OR5AR1: variants seen among roughly 807,000 people sequenced by gnomAD.
OR5AR1 encodes olfactory receptor family 5 subfamily AR member 1.
OR5AR1 carries 19 observed loss-of-function variants against 12.3 expected under a neutral mutation model. The ratio of observed to expected loss-of-function variants is 1.55; its 90% CI spans 1.08 to 2.27. The LOEUF (loss-of-function observed/expected upper bound fraction) is 2.27, where lower values mean the gene tolerates loss of function less well. OR5AR1 is among the 30% of genes most tolerant of loss of function. OR5AR1 has a pLI of 0.00. For missense variants in OR5AR1, 432 were observed against 378.4 expected, an observed-to-expected ratio of 1.14 and a Z score of -1.18; for synonymous variants, 156 against 138.8, an observed-to-expected ratio of 1.12 and a Z score of -0.87.
At position 56,664,285 on chromosome 11, in the gene OR5AR1, C is replaced by T. The variant is rs1331030089; in HGVS notation, c.600C>T (p.Phe200=). The T allele has an allele frequency of 6.2e-7, 1 of 1,614,154 alleles. No individual in the cohort carries two copies. The change falls in exon 1 of 1, where the codon TTC becomes TTT. Residue 200 remains phenylalanine (F), a synonymous_variant. Transcript: ENST00000624596. Reference sequence around the variant, plus strand: ...CCTACATCAGTGAGATCTTGCTCTTCAGTCTGTGTGGCTTCATTGAATTCA... The same window carrying T: ...CCTACATCAGTGAGATCTTGCTCTTTAGTCTGTGTGGCTTCATTGAATTCA... ...SDTYISEILL[F]SLCGFIEFST...
chr11:56,664,567 C>T lies in OR5AR1; in HGVS notation c.882C>T (p.Asn294=), dbSNP rs1317669641. Residue 294 remains asparagine, a synonymous_variant, in exon 1 of 1, where the codon AAC becomes AAT. Coordinates refer to ENST00000624596, the MANE Select transcript of OR5AR1 (RefSeq NM_001004730.1). Reference sequence around the variant, plus strand: ...ATCCCTTGATCTACAGTTTGCGGAACAAGGATGTGAAAGCTGCTTTCAAAA... The same window carrying T: ...ATCCCTTGATCTACAGTTTGCGGAATAAGGATGTGAAAGCTGCTTTCAAAA... ...MLNPLIYSLR[N]KDVKAAFKKL... 4 of 1,608,744 alleles carry T rather than the reference C, an allele frequency of 2.5e-6. No homozygotes were observed. Among genetic ancestry groups the T allele is most frequent in the Non-Finnish European group, 3.4e-6 (4 of 1,177,430 alleles).
rs1183210796 is a variant in OR5AR1 at position 56,663,774 on chromosome 11, T to C, written c.89T>C (p.Val30Ala). ...DPQMEIIFFV[V>A]FLIVYLVNVV... ...CAGATGGAGATCATCTTCTTCGTGGTCTTCCTCATAGTTTACCTGGTTAAT... is the reference window on the plus strand; with the variant it reads ...CAGATGGAGATCATCTTCTTCGTGGCCTTCCTCATAGTTTACCTGGTTAAT... The change falls in exon 1 of 1, where the codon GTC (valine) becomes GCC (alanine). Residue 30 changes from valine (V) to alanine (A), a missense_variant. Coordinates refer to ENST00000624596, the MANE Select transcript of OR5AR1 (RefSeq NM_001004730.1). 1 of 1,613,592 alleles carries C rather than the reference T, an allele frequency of 6.2e-7. No individual in the cohort carries two copies.
Position 56,664,554 on chromosome 11 carries a change from A to T in OR5AR1, c.869A>T (p.Tyr290Phe). The part of the protein sequence containing the change: ...VIIPMLNPLI[Y>F]SLRNKDVKAA... ...ATCCCCATGTTAAATCCCTTGATCTACAGTTTGCGGAACAAGGATGTGAAA... is the reference window on the plus strand; with the variant it reads ...ATCCCCATGTTAAATCCCTTGATCTTCAGTTTGCGGAACAAGGATGTGAAA... Residue 290 changes from tyrosine to phenylalanine, a missense_variant, in exon 1 of 1, where the codon TAC becomes TTC. Physicochemically the swap from Tyr to Phe is conservative, Grantham distance 22. Transcript: ENST00000624596. 3 of 1,613,582 alleles carry T rather than the reference A, an allele frequency of 1.9e-6. No homozygotes were observed. The highest frequency in any genetic ancestry group is 2.5e-6 in the Non-Finnish European group (3 of 1,179,708).
rs373527208 is a variant in OR5AR1, at chr11:56,664,072, C to T, written c.387C>T (p.Pro129=). 106 of 1,613,846 alleles carry T rather than the reference C, an allele frequency of 6.6e-5. No individual in the cohort carries two copies. The highest frequency in any genetic ancestry group is 8.2e-5 in the Non-Finnish European group (97 of 1,180,012). Residue 129 remains proline (P), a synonymous_variant, in exon 1 of 1, where the codon CCC becomes CCT. Coordinates refer to ENST00000624596, the MANE Select transcript of OR5AR1 (RefSeq NM_001004730.1). ...GTCGTTTTGTGGCCATTTGTCGACC[C>T]CTCCACTATAGCACCTTCATGTCCA... The part of the protein sequence containing the change: ...AYGRFVAICR[P]LHYSTFMSKQ...
Position 56,664,113 on chromosome 11 carries a change from C to T in OR5AR1, c.428C>T (p.Ala143Val). ...STFMSKQVCL[A>V]LMLGSYLAGL... ...TTCATGTCCAAGCAGGTCTGCTTGG[C>T]TCTCATGCTGGGCTCTTACCTGGCT... The change falls in exon 1 of 1, where the codon GCT becomes GTT. Residue 143 changes from alanine (A) to valine (V), a missense_variant. Ala to Val is a moderately conservative substitution (Grantham distance 64). Coordinates refer to ENST00000624596, the MANE Select transcript of OR5AR1 (RefSeq NM_001004730.1). The T allele has an allele frequency of 1.2e-6, 2 of 1,613,962 alleles. No homozygotes were observed. Among genetic ancestry groups the T allele is most frequent in the Non-Finnish European group, 1.7e-6 (2 of 1,179,932 alleles).
At position 56,664,387 on chromosome 11, in the gene OR5AR1, C is replaced by T; in HGVS notation, c.702C>T (p.Arg234=). The stretch of plus-strand genomic sequence containing the variant: ...TCAGAATGCGTTCAGCTGAAGGCCG[C>T]CTTAAGGCTTTCTCCACCTGCGGGT... ...AIIRMRSAEG[R]LKAFSTCGSH... The change falls in exon 1 of 1, where the codon CGC becomes CGT. Residue 234 remains arginine, a synonymous_variant. Transcript: ENST00000624596. 2 of 1,614,040 alleles carry T rather than the reference C, an allele frequency of 1.2e-6. 1 individual carries two copies. Among genetic ancestry groups the T allele is most frequent in the Non-Finnish European group, 1.7e-6 (2 of 1,179,988 alleles).
At position 56,664,336 on chromosome 11, in the gene OR5AR1, C is replaced by T; in HGVS notation, c.651C>T (p.Ser217=). The T allele has an allele frequency of 6.2e-7, 1 of 1,614,126 alleles. No homozygotes were observed. Residue 217 remains serine (S), a synonymous_variant, in exon 1 of 1, where the codon TCC becomes TCT. Coordinates refer to ENST00000624596, the MANE Select transcript of OR5AR1 (RefSeq NM_001004730.1). ...GCACCATCCTCATCATCTTCATCTC[C>T]TATACCTTTATCCTTGTTGCAATCA... is the stretch of plus-strand genomic sequence containing the variant. ...EFSTILIIFI[S]YTFILVAIIR...
rs779696662 is a variant in OR5AR1 at position 56,663,870 on chromosome 11, T to C, written c.185T>C (p.Phe62Ser). Reference sequence around the variant, plus strand: ...CAGCTTCACACACCCATGTATTTTTTCCTCTGCAACCTCTCCTTTGTTGAC... The same window carrying C: ...CAGCTTCACACACCCATGTATTTTTCCCTCTGCAACCTCTCCTTTGTTGAC... Reference protein sequence around the residue: ...DTQLHTPMYFFLCNLSFVDLG... With the variant: ...DTQLHTPMYFSLCNLSFVDLG... The change falls in exon 1 of 1, where the codon TTC becomes TCC. Residue 62 changes from phenylalanine to serine, a missense_variant. Physicochemically the swap from Phe to Ser is radical, Grantham distance 155. Coordinates refer to ENST00000624596, the MANE Select transcript of OR5AR1 (RefSeq NM_001004730.1). The C allele has an allele frequency of 2.5e-6, 4 of 1,614,120 alleles. No homozygotes were observed. In the East Asian group the frequency reaches 8.9e-5, roughly 36 times the overall value.
rs1857217360 is a variant in OR5AR1 at position 56,664,243 on chromosome 11, C to A, written c.558C>A (p.Ala186=). ...TCTGCGAAATCCCACCACTCTTGGC[C>A]CTCTCTTGCTCAGACACCTACATCA... ...HFFCEIPPLL[A]LSCSDTYISE... is the part of the protein sequence containing the mutation. The change falls in exon 1 of 1, where the codon GCC becomes GCA. Residue 186 remains alanine, a synonymous_variant. Coordinates refer to ENST00000624596, the MANE Select transcript of OR5AR1 (RefSeq NM_001004730.1). The A allele has an allele frequency of 6.2e-7, 1 of 1,613,950 alleles. No homozygotes were observed. Among genetic ancestry groups the A allele is most frequent in the African/African-American group, 1.3e-5 (1 of 74,900 alleles).
At position 56,664,563 on chromosome 11, in the gene OR5AR1, G is replaced by A. The variant is rs374914918; in HGVS notation, c.878G>A (p.Arg293Gln). Residue 293 changes from arginine to glutamine, a missense_variant, in exon 1 of 1, where the codon CGG (arginine) becomes CAG (glutamine). Coordinates refer to ENST00000624596, the MANE Select transcript of OR5AR1 (RefSeq NM_001004730.1). ...TTAAATCCCTTGATCTACAGTTTGC[G>A]GAACAAGGATGTGAAAGCTGCTTTC... ...PMLNPLIYSLRNKDVKAAFKK... is the reference protein window; with the variant it reads ...PMLNPLIYSLQNKDVKAAFKK... 5.6e-5 allele frequency: 90 copies of A among 1,608,668 alleles called. No homozygotes were observed. The African/African-American group carries it at 9.2e-4, about 16-fold the overall frequency.
Position 56,664,589 on chromosome 11 carries a change from A to C in OR5AR1, c.904A>C (p.Lys302Gln). The C allele has an allele frequency of 2.5e-6, 4 of 1,598,836 alleles. No individual in the cohort carries two copies. The highest frequency in any genetic ancestry group is 2.6e-6 in the Non-Finnish European group (3 of 1,171,024). Residue 302 changes from lysine to glutamine, a missense_variant, in exon 1 of 1, where the codon AAA (lysine) becomes CAA (glutamine). Physicochemically the swap from Lys to Gln is moderately conservative, Grantham distance 53. Transcript: ENST00000624596. ...LRNKDVKAAFKKLIGKKSQ is the reference protein window; with the variant it reads ...LRNKDVKAAFQKLIGKKSQ ...GAACAAGGATGTGAAAGCTGCTTTC[A>C]AAAAGCTAATTGGAAAAAAATCTCA...
chr11:56,663,982 C>A lies in OR5AR1; in HGVS notation c.297C>A (p.Thr99=), dbSNP rs1160901849. The A allele has an allele frequency of 1.9e-6, 3 of 1,613,938 alleles. No individual in the cohort carries two copies. In the African/African-American group the frequency reaches 4.0e-5, roughly 22 times the overall value. ...TTATCTCCTTCTCCAGCTGTGCCAC[C>A]CAGTTTGCTTTTTTTGTAGGTTTTG... ...HKVISFSSCA[T]QFAFFVGFVD... is the part of the protein sequence containing the mutation. Residue 99 remains threonine, a synonymous_variant, in exon 1 of 1, where the codon ACC becomes ACA. Transcript: ENST00000624596.
In OR5AR1 at chr11:56,663,881, C is replaced by T. The variant is rs1857210748; in HGVS notation, c.196C>T (p.Leu66Phe). 4 of 1,614,040 alleles carry T rather than the reference C, an allele frequency of 2.5e-6. No individual in the cohort carries two copies. Among genetic ancestry groups the T allele is most frequent in the Non-Finnish European group, 3.4e-6 (4 of 1,179,962 alleles). The change falls in exon 1 of 1, where the codon CTC (leucine) becomes TTC (phenylalanine). Residue 66 changes from leucine (L) to phenylalanine (F), a missense_variant. Leu to Phe is a conservative substitution (Grantham distance 22). Transcript: ENST00000624596. The stretch of plus-strand genomic sequence containing the variant: ...ACCCATGTATTTTTTCCTCTGCAAC[C>T]TCTCCTTTGTTGACCTGGGCTACTC... Reference protein sequence around the residue: ...HTPMYFFLCNLSFVDLGYSSA... With the variant: ...HTPMYFFLCNFSFVDLGYSSA...
chr11:56,663,871 C>G lies in OR5AR1; in HGVS notation c.186C>G (p.Phe62Leu). The change falls in exon 1 of 1, where the codon TTC (phenylalanine) becomes TTG (leucine). Residue 62 changes from phenylalanine to leucine, a missense_variant. By Grantham distance (22) the Phe-to-Leu change is conservative (BLOSUM62 0). Transcript: ENST00000624596. ...AGCTTCACACACCCATGTATTTTTTCCTCTGCAACCTCTCCTTTGTTGACC... is the reference window on the plus strand; with the variant it reads ...AGCTTCACACACCCATGTATTTTTTGCTCTGCAACCTCTCCTTTGTTGACC... ...DTQLHTPMYF[F>L]LCNLSFVDLG... 1 of 1,613,958 alleles carries G rather than the reference C, an allele frequency of 6.2e-7. No homozygotes were observed. The highest frequency in any genetic ancestry group is 8.5e-7 in the Non-Finnish European group (1 of 1,179,982).
Position 56,664,594 on chromosome 11 carries a change from G to C in OR5AR1, c.909G>C (p.Lys303Asn). The C allele has an allele frequency of 6.3e-7, 1 of 1,594,592 alleles. No homozygotes were observed. ...AGGATGTGAAAGCTGCTTTCAAAAA[G>C]CTAATTGGAAAAAAATCTCAATAAT... ...RNKDVKAAFK[K>N]LIGKKSQ The change falls in exon 1 of 1, where the codon AAG becomes AAC. Residue 303 changes from lysine to asparagine, a missense_variant. Coordinates refer to ENST00000624596, the MANE Select transcript of OR5AR1 (RefSeq NM_001004730.1).
chr11:56,663,855 C>A lies in OR5AR1; in HGVS notation c.170C>A (p.Thr57Lys). Residue 57 changes from threonine to lysine, a missense_variant, in exon 1 of 1, where the codon ACA (threonine) becomes AAA (lysine). By Grantham distance (78) the Thr-to-Lys change is moderately conservative. Transcript: ENST00000624596. ...ILITTDTQLH[T>K]PMYFFLCNLS... ...ATTACAACAGACACTCAGCTTCACA[C>A]ACCCATGTATTTTTTCCTCTGCAAC... is the stretch of plus-strand genomic sequence containing the variant. 1.2e-6 allele frequency: 2 copies of A among 1,614,060 alleles called. No homozygotes were observed. The highest frequency in any genetic ancestry group is 1.7e-6 in the Non-Finnish European group (2 of 1,179,954).
chr11:56,664,281 T>C lies in OR5AR1; in HGVS notation c.596T>C (p.Leu199Pro). Reference protein sequence around the residue: ...CSDTYISEILLFSLCGFIEFS... With the variant: ...CSDTYISEILPFSLCGFIEFS... Reference sequence around the variant, plus strand: ...GACACCTACATCAGTGAGATCTTGCTCTTCAGTCTGTGTGGCTTCATTGAA... The same window carrying C: ...GACACCTACATCAGTGAGATCTTGCCCTTCAGTCTGTGTGGCTTCATTGAA... The change falls in exon 1 of 1, where the codon CTC becomes CCC. Residue 199 changes from leucine (L) to proline (P), a missense_variant. Leu to Pro is a moderately conservative substitution (Grantham distance 98, BLOSUM62 -3). Coordinates refer to ENST00000624596, the MANE Select transcript of OR5AR1 (RefSeq NM_001004730.1). The C allele has an allele frequency of 1.2e-6, 2 of 1,614,132 alleles. No individual in the cohort carries two copies. The highest frequency in any genetic ancestry group is 1.7e-6 in the Non-Finnish European group (2 of 1,179,998).
rs970563426 is a variant in OR5AR1, at chr11:56,664,251, G to T, written c.566G>T (p.Cys189Phe). The change falls in exon 1 of 1, where the codon TGC becomes TTC. Residue 189 changes from cysteine to phenylalanine, a missense_variant. Physicochemically the swap from Cys to Phe is radical, Grantham distance 205 (BLOSUM62 -2). Transcript: ENST00000624596. ...ATCCCACCACTCTTGGCCCTCTCTT[G>T]CTCAGACACCTACATCAGTGAGATC... ...CEIPPLLALS[C>F]SDTYISEILL... is the part of the protein sequence containing the mutation. 3 of 1,613,890 alleles carry T rather than the reference G, an allele frequency of 1.9e-6. No individual in the cohort carries two copies. Among genetic ancestry groups the T allele is most frequent in the Non-Finnish European group, 2.5e-6 (3 of 1,180,002 alleles).
rs778825990 is a variant in OR5AR1, at chr11:56,664,267, C to G, written c.582C>G (p.Ile194Met). 6.2e-6 allele frequency: 10 copies of G among 1,613,916 alleles called. No homozygotes were observed. Among genetic ancestry groups the G allele is most frequent in the Non-Finnish European group, 7.6e-6 (9 of 1,179,918 alleles). Residue 194 changes from isoleucine (I) to methionine (M), a missense_variant, in exon 1 of 1, where the codon ATC (isoleucine) becomes ATG (methionine). Coordinates refer to ENST00000624596, the MANE Select transcript of OR5AR1 (RefSeq NM_001004730.1). ...CCCTCTCTTGCTCAGACACCTACAT[C>G]AGTGAGATCTTGCTCTTCAGTCTGT... is the stretch of plus-strand genomic sequence containing the variant. The part of the protein sequence containing the change: ...LLALSCSDTY[I>M]SEILLFSLCG...
Sources: allele counts gnomAD v4.1 joint callset, GRCh38; gene constraint gnomAD v4.1.1; transcripts MANE v1.5; gene names NCBI Gene and HGNC (gene_info 2026-07-23, HGNC 2026-07-21).